Variants in BIRC6 observed in about 807,000 individuals in gnomAD.
BIRC6 encodes dual E2 ubiquitin-conjugating enzyme/E3 ubiquitin-protein ligase BIRC6.
Under a neutral mutation model 503.3 loss-of-function variants are expected in BIRC6, and 98 were observed. That is an observed-to-expected ratio of 0.19 (90% CI 0.17 to 0.23). The LOEUF is 0.23. Ranked by LOEUF, BIRC6 falls within the 10% of genes least tolerant of loss-of-function variation. The probability of loss-of-function intolerance (pLI) is 1.00; values close to 1 mark genes in which losing one functional copy is unlikely to be tolerated. For missense variants in BIRC6, 5,360 were observed against 5,806.0 expected (o/e 0.92, Z 2.50); for synonymous variants, 2,240 against 2,078.7 (o/e 1.08, Z -2.11).
chr2:32,453,769 T>A, intron 22 of BIRC6, 39 bp from the exon 23 acceptor site: 1 of 1,596,960 alleles, frequency 6.3e-7, no homozygotes, highest in Non-Finnish European at 8.5e-7. Context: ...TTTTTAAAAA[T>A]TATCTTCACG....
intron 61 of BIRC6, among the ~76,000 whole-genome samples, chr2:32,536,875 C>G (rs934485495): frequency 4.6e-5 from 7 of 152,052 alleles, no homozygotes; most frequent in South Asian, 2.1e-4. Context: ...TCATGATATT[C>G]ATTCTTCCTA....
At chr2:32,617,314 T>C (rs1211787131) in intron 73 of BIRC6, among the ~76,000 whole-genome samples, 1 of 151,960 alleles carries the variant, frequency 6.6e-6, no homozygotes, top group Non-Finnish European at 1.5e-5. Context: ...GGCAGAAGAA[T>C]CACTTGAACC....
At chr2:32,467,865 G>A (rs1292961065) in intron 27 of BIRC6, 38 bp from the exon 28 acceptor site, 1 of 1,514,654 alleles carries the variant, frequency 6.6e-7, no homozygotes, top group Admixed American at 1.9e-5. Context: ...TATTGTGGCA[G>A]ATGTGTATAT....
rs2042242720 is a variant in BIRC6 at position 32,414,794 on chromosome 2, G to A, written c.1503G>A (p.Met501Ile). Residue 501 changes from methionine to isoleucine, a missense_variant, in exon 10 of 74, where the codon ATG (methionine) becomes ATA (isoleucine). By Grantham distance (10) the Met-to-Ile change is conservative. Coordinates refer to ENST00000421745, the MANE Select transcript of BIRC6 (RefSeq NM_016252.4). ...VTGHTSQKEA[M>I]EVSLDITALS... Reference sequence around the variant, plus strand: ...GGCATACATCACAGAAGGAAGCCATGGAAGTAAGCCTTGATATAACAGCAC... The same window carrying A: ...GGCATACATCACAGAAGGAAGCCATAGAAGTAAGCCTTGATATAACAGCAC... 6.2e-7 allele frequency: 1 copy of A among 1,613,276 alleles called. No individual in the cohort carries two copies. Among genetic ancestry groups the A allele is most frequent in the South Asian group, 1.1e-5 (1 of 91,006 alleles).
chr2:32,538,587 C>A (rs756409648), intron 61 of BIRC6, among the ~76,000 whole-genome samples: 7 of 152,224 alleles, frequency 4.6e-5, no homozygotes, highest in Non-Finnish European at 7.3e-5. Flanking sequence ...ACTAAACACA[C>A]TGCAAGGAAG....
intron 61 of BIRC6, 32 bp from the exon 62 acceptor site, chr2:32,543,209 A>G: frequency 2.5e-6 from 4 of 1,593,338 alleles, no homozygotes; most frequent in South Asian, 2.2e-5. Flanking sequence ...GAAAATGTGA[A>G]TGGCCAAGCC....
intron 23 of BIRC6, among the ~76,000 whole-genome samples, chr2:32,460,504 G>A (rs189804492): frequency 7.3e-5 from 11 of 151,086 alleles, no homozygotes; most frequent in Admixed American, 2.0e-4. Context: ...CTCGAATTCC[G>A]GACCTCAGGT....
At chr2:32,392,454 C>G (rs182959046) in intron 5 of BIRC6, among the ~76,000 whole-genome samples, 1 of 152,074 alleles carries the variant, frequency 6.6e-6, no homozygotes, top group East Asian at 1.9e-4. Context: ...TGGGGTTTCA[C>G]CATGTTGCCA....
At position 32,392,160 on chromosome 2, in the gene BIRC6, GA is replaced by G; in HGVS notation, c.951+12del. 1 of 1,527,606 alleles carries G rather than the reference GA, an allele frequency of 6.5e-7. No individual in the cohort carries two copies. The highest frequency in any genetic ancestry group is 8.9e-7 in the Non-Finnish European group (1 of 1,125,904). 94.6% of individuals were successfully genotyped at this position (1,527,606 alleles called of 1,614,324 possible). A position where few individuals can be genotyped will look rare whatever the true frequency, so the allele number is the denominator to read the frequency against. Reference sequence around the variant, plus strand: ...TGGATTTTATCATCAGGTAAAAAAAGAATATAAAAAAATACTTTTCTCAGTA... The same window carrying G: ...TGGATTTTATCATCAGGTAAAAAAAGATATAAAAAAATACTTTTCTCAGTA... On this transcript the variant is annotated intron_variant, in intron 5 of 73. Coordinates refer to ENST00000421745, the MANE Select transcript of BIRC6 (RefSeq NM_016252.4).
At chr2:32,439,195 G>C (rs1398615120) in intron 15 of BIRC6, among the ~76,000 whole-genome samples, 1 of 150,522 alleles carries the variant, frequency 6.6e-6, no homozygotes, top group East Asian at 1.9e-4. Context: ...GTGTGCGTGT[G>C]TATGTGTGTG....
At position 32,415,374 on chromosome 2, in the gene BIRC6, G is replaced by A; in HGVS notation, c.2083G>A (p.Ala695Thr). Residue 695 changes from alanine (A) to threonine (T), a missense_variant, in exon 10 of 74, where the codon GCA becomes ACA. By Grantham distance (58) the Ala-to-Thr change is moderately conservative. This residue lies in a region of BIRC6 where 700 missense variants were observed against 739.3 expected (regional missense o/e 0.95). Transcript: ENST00000421745. The stretch of plus-strand genomic sequence containing the variant: ...TTACATTCAGCAATTTGCAGATGCA[G>A]CAGCCAACCTTACCTCTCCGGATTC... ...VTYIQQFADA[A>T]ANLTSPDSEK... The A allele has an allele frequency of 6.2e-7, 1 of 1,614,032 alleles. No individual in the cohort carries two copies. The highest frequency in any genetic ancestry group is 8.5e-7 in the Non-Finnish European group (1 of 1,179,902).
chr2:32,470,944 A>C, intron 31 of BIRC6, 70 bp from the exon 32 acceptor site: 1 of 1,455,078 alleles, frequency 6.9e-7, no homozygotes, highest in Non-Finnish European at 9.3e-7. Context: ...TGTTTCACTT[A>C]TATTATCAGA....
intron 63 of BIRC6, among the ~76,000 whole-genome samples, 183 bp downstream of exon 63, chr2:32,546,043 CA>C (rs1481748621): frequency 6.6e-6 from 1 of 151,860 alleles, no homozygotes; most frequent in African/African-American, 2.4e-5. Context: ...TTCAGTAAAC[CA>C]AAAAGAAACC....
At chr2:32,561,660 G>GT (rs1013487736) in intron 65 of BIRC6, among the ~76,000 whole-genome samples, 2 of 149,644 alleles carry the variant, frequency 1.3e-5, no homozygotes, top group Non-Finnish European at 3.0e-5. Flanking sequence ...TGAACCTAAA[G>GT]TTTTTTTTAA....
At position 32,468,550 on chromosome 2, in the gene BIRC6, A is replaced by T. The variant is rs771366079; in HGVS notation, c.5894A>T (p.Glu1965Val). 17 of 1,613,900 alleles carry T rather than the reference A, an allele frequency of 1.1e-5. No homozygotes were observed. The highest frequency in any genetic ancestry group is 1.4e-5 in the Non-Finnish European group (17 of 1,179,884). The change falls in exon 29 of 74, where the codon GAG (glutamate) becomes GTG (valine). Residue 1965 changes from glutamate (E) to valine (V), a missense_variant. Coordinates refer to ENST00000421745, the MANE Select transcript of BIRC6 (RefSeq NM_016252.4). ...TTACGAAAACCAGATAAGGCAGTTG[A>T]GGAAGACAGTAGGGTTTTTTCTGCT... ...YFLRKPDKAV[E>V]EDSRVFSAYQ...
intron 10 of BIRC6, 37 bp from the exon 11 acceptor site, chr2:32,429,109 T>G (rs1305395580): frequency 6.6e-7 from 1 of 1,522,672 alleles, no homozygotes; most frequent in African/African-American, 1.4e-5. Context: ...AATGTTTACC[T>G]ATTTTTCATG....
At chr2:32,586,425 T>G (rs2061035478) in intron 66 of BIRC6, among the ~76,000 whole-genome samples, 1 of 56,878 alleles carries the variant, frequency 1.8e-5, no homozygotes, top group African/African-American at 8.1e-5. Context: ...AAGCAGTCCT[T>G]TTTTTTTTTT....
chr2:32,561,915 C>A (rs2059219090), intron 65 of BIRC6, among the ~76,000 whole-genome samples: 2 of 151,420 alleles, frequency 1.3e-5, no homozygotes, highest in Admixed American at 1.3e-4. Context: ...GGTGGTGGGC[C>A]CCTGTAATCG....
rs1482377198 is a variant in BIRC6, at chr2:32,509,056, AC to A, written c.9981-681del. ...TGCACTCCAGCCTGGGTGAGAGTGA[AC>A]TCTGTCTTTAAAAAAAAAAAAGAAT... On this transcript the variant is annotated intron_variant, in intron 51 of 73. Transcript: ENST00000421745. 3.4e-5 allele frequency among the ~76,000 whole-genome samples: 5 copies of A among 147,000 alleles called. No homozygotes were observed. In the East Asian group the frequency reaches 1.0e-3, roughly 30 times the overall value.
Sources: allele counts gnomAD v4.1 joint callset (sites outside exome capture counted in the v4.1 genomes callset), GRCh38; gene constraint gnomAD v4.1.1; regional missense constraint gnomAD v4.1.1; transcripts MANE v1.5; gene names NCBI Gene and HGNC (gene_info 2026-07-23, HGNC 2026-07-21).